TTYH3: variants seen among roughly 807,000 people sequenced by gnomAD.
The protein encoded by TTYH3 is tweety family member 3, also known as protein tweety homolog 3.
Under a neutral mutation model 68.2 loss-of-function variants are expected in TTYH3, and 23 were observed. The ratio of observed to expected loss-of-function variants is 0.34; its 90% CI spans 0.24 to 0.48. The LOEUF (loss-of-function observed/expected upper bound fraction) is 0.48, where lower values mean the gene tolerates loss of function less well. Among genes scored for constraint, TTYH3 ranks in the 20% least tolerant of loss-of-function variants. The pLI is 0.99. For missense variants in TTYH3, 768 were observed against 727.7 expected (o/e 1.06, Z -0.64); for synonymous variants, 360 against 332.8 (o/e 1.08, Z -0.89).
chr7:2,656,178 G>A lies in TTYH3; in HGVS notation c.1107G>A (p.Leu369=). 2 of 1,566,106 alleles carry A rather than the reference G, an allele frequency of 1.3e-6. No individual in the cohort carries two copies. Among genetic ancestry groups the A allele is most frequent in the Non-Finnish European group, 1.7e-6 (2 of 1,155,526 alleles). Residue 369 remains leucine (L), a synonymous_variant, in exon 10 of 14, where the codon CTG becomes CTA. Transcript: ENST00000258796. ...CCGCCCTGGTGGACTGCCGCAGCCT[G>A]CATCTGGTGAGAGGCAGGGCCTGGG... ...HLTALVDCRS[L]HLDYVQALTG...
chr7:2,657,434 ATG>A (rs1786370397), intron 11 of TTYH3, among the ~76,000 whole-genome samples: 3 of 150,378 alleles, frequency 2.0e-5, no homozygotes, highest in African/African-American at 7.4e-5. Flanking sequence ...GGTGATGGTG[ATG>A]GTGATGTCAT....
chr7:2,646,811 T>TG (rs1299719036), intron 1 of TTYH3, 42 bp from the exon 2 acceptor site: 2 of 1,566,678 alleles, frequency 1.3e-6, no homozygotes, highest in Non-Finnish European at 1.7e-6. Context: ...GACTCTGAGC[T>TG]GGGGGTCCAC....
At chr7:2,639,741 G>C (rs1188907523) in intron 1 of TTYH3, among the ~76,000 whole-genome samples, 1 of 152,238 alleles carries the variant, frequency 6.6e-6, no homozygotes, top group East Asian at 1.9e-4. Flanking sequence ...CGGCACCTCT[G>C]GTGGGGTTCT....
At chr7:2,651,315 G>T (rs968311104) in intron 7 of TTYH3, among the ~76,000 whole-genome samples, 1 of 152,270 alleles carries the variant, frequency 6.6e-6, no homozygotes, top group Admixed American at 6.5e-5. Context: ...TTTTTTACCT[G>T]CCTTTGTTGA....
chr7:2,637,410 CTG>C (rs1393028310), intron 1 of TTYH3, among the ~76,000 whole-genome samples: 1 of 152,254 alleles, frequency 6.6e-6, no homozygotes, highest in East Asian at 1.9e-4. Context: ...GAGGTGGACA[CTG>C]TGTCCCCGAC....
At chr7:2,655,564 G>A (rs554192477) in intron 9 of TTYH3, among the ~76,000 whole-genome samples, 35 of 152,364 alleles carry the variant, frequency 2.3e-4, no homozygotes, top group East Asian at 9.6e-4. Context: ...CTGTGCAGCC[G>A]TTTCTCCAGG....
chr7:2,658,879 A>T, intron 12 of TTYH3, 61 bp from the exon 13 acceptor site: 1 of 1,547,760 alleles, frequency 6.5e-7, no homozygotes, highest in Non-Finnish European at 8.9e-7. Context: ...GGGCCCCCCG[A>T]CCTGCAGCTG....
At chr7:2,641,336 G>A (rs1249284574) in intron 1 of TTYH3, among the ~76,000 whole-genome samples, 4 of 152,102 alleles carry the variant, frequency 2.6e-5, no homozygotes, top group East Asian at 1.9e-4. Flanking sequence ...CTGGGCTCAC[G>A]GTGGGAGGGG....
intron 13 of TTYH3, 57 bp from the exon 14 acceptor site, chr7:2,661,611 C>A (rs955027364): frequency 6.4e-7 from 1 of 1,558,468 alleles, no homozygotes; most frequent in African/African-American, 1.4e-5. Flanking sequence ...GAAGGCGCCC[C>A]TGGCTGCGTG....
In TTYH3 at chr7:2,652,871, G is replaced by A. The variant is rs752975246; in HGVS notation, c.928-47G>A. On this transcript the variant is annotated intron_variant, in intron 8 of 13. Coordinates refer to ENST00000258796, the MANE Select transcript of TTYH3 (RefSeq NM_025250.3). ...TGGAGGGTCCTGGGGAGGGAGAGGC[G>A]GGCGGACCCAGCAGCGCCCATGGAC... 2.3e-5 allele frequency: 34 copies of A among 1,459,556 alleles called. No homozygotes were observed. The Middle Eastern group carries it at 5.4e-4, about 23-fold the overall frequency. The allele number at this position is 1,459,556 out of a possible 1,614,324, so 90.4% of individuals were successfully genotyped here.
rs762035823 is a variant in TTYH3 at position 2,656,101 on chromosome 7, C to T, written c.1030C>T (p.Leu344Phe). The change falls in exon 10 of 14, where the codon CTC becomes TTC. Residue 344 changes from leucine (L) to phenylalanine (F), a missense_variant. Transcript: ENST00000258796. ...WEQPATKDPL[L>F]RVQEVLNGTE... ...GGTGCGTGCCCCCCAGGACCCCCTC[C>T]TCCGCGTCCAGGAGGTGCTGAATGG... 3.9e-6 allele frequency: 6 copies of T among 1,551,828 alleles called. No homozygotes were observed. In the African/African-American group the frequency reaches 8.2e-5, roughly 21 times the overall value.
At chr7:2,636,903 C>T (rs1209178746) in intron 1 of TTYH3, among the ~76,000 whole-genome samples, 5 of 152,142 alleles carry the variant, frequency 3.3e-5, no homozygotes, top group Middle Eastern at 3.2e-3. Flanking sequence ...ACTCTGGCCA[C>T]CTCTGTCCCC....
Position 2,659,028 on chromosome 7 carries a change from G to T in TTYH3, c.1500+13G>T. The T allele has an allele frequency of 6.2e-7, 1 of 1,612,966 alleles. No individual in the cohort carries two copies. The highest frequency in any genetic ancestry group is 8.5e-7 in the Non-Finnish European group (1 of 1,179,176). ...CCCGCCGCCCTCAGTAAGTCTTGGG[G>T]CAGGAGGGTGGATGGGGGGCTGCTC... On this transcript the variant is annotated intron_variant, in intron 13 of 13. Transcript: ENST00000258796.
Position 2,649,711 on chromosome 7 carries a change from A to G in TTYH3, c.795+72A>G, listed in dbSNP as rs1298200253. The stretch of plus-strand genomic sequence containing the variant: ...TGGGGGAGGGACGAGGGGAAGCCAC[A>G]CTCCTCTCCCCTCCCATCTTCCCGG... On this transcript the variant is annotated intron_variant, in intron 6 of 13. Coordinates refer to ENST00000258796, the MANE Select transcript of TTYH3 (RefSeq NM_025250.3). 6 of 1,524,756 alleles carry G rather than the reference A, an allele frequency of 3.9e-6. No homozygotes were observed. The Admixed American group carries it at 9.5e-5, about 24-fold the overall frequency. The allele number at this position is 1,524,756 out of a possible 1,614,324, so 94.5% of individuals were successfully genotyped here.
intron 1 of TTYH3, among the ~76,000 whole-genome samples, chr7:2,634,558 G>A (rs1192678799): frequency 3.9e-5 from 6 of 152,014 alleles, no homozygotes; most frequent in Admixed American, 6.5e-5. Context: ...GTGGTTATGG[G>A]GGCGGGGGGA....
intron 1 of TTYH3, among the ~76,000 whole-genome samples, chr7:2,636,695 C>T (rs1481590224): frequency 1.3e-5 from 2 of 152,162 alleles, no homozygotes; most frequent in African/African-American, 4.8e-5. Context: ...TGGTCCCAGT[C>T]CACTCAGGAT....
intron 1 of TTYH3, among the ~76,000 whole-genome samples, chr7:2,635,462 C>T (rs746532282): frequency 6.6e-6 from 1 of 152,232 alleles, no homozygotes; most frequent in Admixed American, 6.5e-5. Context: ...TTCATGCCCA[C>T]TGACCTCAGC....
At chr7:2,654,387 C>T (rs1002032887) in intron 9 of TTYH3, among the ~76,000 whole-genome samples, 2 of 151,808 alleles carry the variant, frequency 1.3e-5, no homozygotes, top group South Asian at 2.1e-4. Context: ...AGAGCAAGAC[C>T]CTGTCTCTCT....
chr7:2,634,840 G>A (rs979295631), intron 1 of TTYH3, among the ~76,000 whole-genome samples: 14 of 152,160 alleles, frequency 9.2e-5, no homozygotes, highest in Non-Finnish European at 1.5e-4. Context: ...TGGTGGGGCC[G>A]CAGCCCTGCT....
Sources: gnomAD v4.1 joint callset for allele counts (sites outside exome capture counted in the v4.1 genomes callset) on GRCh38, gnomAD v4.1.1 for gene constraint, MANE v1.5 for transcripts, NCBI Gene and HGNC (gene_info 2026-07-23, HGNC 2026-07-21) for gene names.